KAT6A: variants seen among roughly 807,000 people sequenced by gnomAD.
The protein encoded by KAT6A is histone acetyltransferase KAT6A.
A neutral mutation model predicts 198.4 loss-of-function variants in KAT6A; 9 were observed. The observed-to-expected ratio is 0.05, with a 90% CI of 0.03 to 0.08. The LOEUF is 0.08. Ranked by LOEUF, KAT6A falls within the 10% of genes least tolerant of loss-of-function variation. The pLI, the probability that KAT6A is intolerant of heterozygous loss-of-function variation, is 1.00. For missense variants in KAT6A, 2,077 were observed against 2,509.9 expected, an observed-to-expected ratio of 0.83 and a Z score of 3.69; for synonymous variants, 890 against 883.0, an observed-to-expected ratio of 1.01 and a Z score of -0.14.
At chr8:41,989,918 G>A (rs182196809) in intron 2 of KAT6A, among the ~76,000 whole-genome samples, 4 of 152,304 alleles carry the variant, frequency 2.6e-5, no homozygotes, top group African/African-American at 7.2e-5. Flanking sequence ...ACTGAGAGAT[G>A]AACGGCTAGT....
rs1355193749 is a variant in KAT6A, at chr8:42,051,907, G to T, written c.-332C>A. On this transcript the variant is annotated 5_prime_UTR_variant, in exon 1 of 17. Transcript: ENST00000265713. ...CGGCCCCTCGGCTACTTACCGGGAG[G>T]AAGGACAGCCGAGATCCCGGGGCCC... 6.6e-6 allele frequency: 1 copy of T among 151,118 alleles called. No individual in the cohort carries two copies. The highest frequency in any genetic ancestry group is 1.5e-5 in the Non-Finnish European group (1 of 67,556). The allele number at this position is 151,118 out of a possible 1,614,324, so 9.4% of individuals were successfully genotyped here. A position where few individuals can be genotyped will look rare whatever the true frequency, so the allele number is the denominator to read the frequency against.
chr8:42,011,893 A>AG (rs1826037044), intron 2 of KAT6A, among the ~76,000 whole-genome samples: 1 of 150,620 alleles, frequency 6.6e-6, no homozygotes, highest in Admixed American at 6.6e-5. Flanking sequence ...AAAAAAGAAG[A>AG]GGAAAAAAAA....
intron 2 of KAT6A, among the ~76,000 whole-genome samples, chr8:42,008,137 AC>A (rs1825840634): frequency 6.6e-6 from 1 of 151,732 alleles, no homozygotes; most frequent in African/African-American, 2.4e-5. Context: ...GTACTACTTA[AC>A]CCCCCAAAAA....
At chr8:41,980,781 T>A (rs942480290) in intron 5 of KAT6A, 65 bp downstream of exon 5, 1 of 1,076,012 alleles carries the variant, frequency 9.3e-7, no homozygotes, top group African/African-American at 1.5e-5. Flanking sequence ...ACAAAGTAGA[T>A]AAAATGTGCT....
chr8:41,944,189 A>G (rs1390366905), intron 12 of KAT6A, among the ~76,000 whole-genome samples: 1 of 152,200 alleles, frequency 6.6e-6, no homozygotes, highest in African/African-American at 2.4e-5. Context: ...AGACTAAGTT[A>G]GTATTATTAT....
intron 2 of KAT6A, among the ~76,000 whole-genome samples, chr8:42,021,328 C>T (rs1385698152): frequency 1.3e-5 from 2 of 152,048 alleles, no homozygotes; most frequent in Non-Finnish European, 2.9e-5. Context: ...TCTTGTTTTA[C>T]TGGAGAAAAG....
intron 8 of KAT6A, among the ~76,000 whole-genome samples, chr8:41,972,799 T>A (rs1823862026): frequency 1.3e-5 from 2 of 152,122 alleles, no homozygotes; most frequent in Non-Finnish European, 2.9e-5. Context: ...CACAAAAAAT[T>A]AGGAGTAAAG....
rs780090695 is a variant in KAT6A, at chr8:41,974,841, C to T, written c.1364-19G>A. The T allele has an allele frequency of 1.3e-6, 2 of 1,517,296 alleles. No homozygotes were observed. The highest frequency in any genetic ancestry group is 1.2e-5 in the South Asian group (1 of 86,468). The allele number at this position is 1,517,296 out of a possible 1,614,324, so 94.0% of individuals were successfully genotyped here. A position where few individuals can be genotyped will look rare whatever the true frequency, so the allele number is the denominator to read the frequency against. On this transcript the variant is annotated intron_variant, in intron 7 of 16. Coordinates refer to ENST00000265713, the MANE Select transcript of KAT6A (RefSeq NM_006766.5). The stretch of plus-strand genomic sequence containing the variant: ...TGATTGTCTACATATAAAAAAAGAG[C>T]TCACATGTTAACTGTCCCCAGATTA...
chr8:41,932,165 T>C lies in KAT6A; in HGVS notation c.*40A>G, dbSNP rs2150854341. 1 of 1,463,076 alleles carries C rather than the reference T, an allele frequency of 6.8e-7. No homozygotes were observed. Among genetic ancestry groups the C allele is most frequent in the Non-Finnish European group, 9.1e-7 (1 of 1,104,560 alleles). The allele number at this position is 1,463,076 out of a possible 1,614,324, so 90.6% of individuals were successfully genotyped here. ...TTTGTCAGTATAAAAGGTTCCTTTA[T>C]TTATATATATTTAAGTTTTTGATTG... On this transcript the variant is annotated 3_prime_UTR_variant, in exon 17 of 17. Transcript: ENST00000265713.
chr8:42,045,382 G>T (rs1005832922), intron 2 of KAT6A, among the ~76,000 whole-genome samples: 8 of 152,022 alleles, frequency 5.3e-5, no homozygotes, highest in Non-Finnish European at 7.4e-5. Context: ...CCAACAGGGA[G>T]AAACCCCGTC....
intron 9 of KAT6A, among the ~76,000 whole-genome samples, chr8:41,954,366 T>C (rs1822825713): frequency 6.6e-6 from 1 of 152,232 alleles, no homozygotes. Flanking sequence ...GCAATGTTAC[T>C]ACATGGGTGA....
intron 1 of KAT6A, 53 bp downstream of exon 1, chr8:42,051,848 G>T (rs997425441): frequency 6.7e-6 from 1 of 148,714 alleles, no homozygotes; most frequent in Middle Eastern, 3.3e-3. Context: ...GGAGCGGCTC[G>T]GCCTCGGGCT....
rs777611123 is a variant in KAT6A at position 41,941,302 on chromosome 8, C to T, written c.2579G>A (p.Ser860Asn). The T allele has an allele frequency of 3.1e-6, 5 of 1,613,972 alleles. No individual in the cohort carries two copies. The highest frequency in any genetic ancestry group is 3.4e-6 in the Non-Finnish European group (4 of 1,180,014). The change falls in exon 15 of 17, where the codon AGC becomes AAC. Residue 860 changes from serine (S) to asparagine (N), a missense_variant. Physicochemically the swap from Ser to Asn is conservative, Grantham distance 46. Transcript: ENST00000265713. ...VLPHDSLPAN[S>N]QPSRRGRWGR... is the part of the protein sequence containing the mutation. ...CCAGCGGCCCCTCCGAGATGGCTGG[C>T]TATTTGCAGGAAGACTATCATGAGG...
rs1353408278 is a variant in KAT6A at position 41,932,385 on chromosome 8, C to T, written c.5835G>A (p.Gln1945=). Residue 1945 remains glutamine, a synonymous_variant, in exon 17 of 17, where the codon CAG becomes CAA. Coordinates refer to ENST00000265713, the MANE Select transcript of KAT6A (RefSeq NM_006766.5). ...SYHSNPAYMN[Q]TAQYPMQMQM... Reference sequence around the variant, plus strand: ...GCATCTGCATAGGATACTGTGCTGTCTGGTTCATGTAGGCAGGGTTACTAT... The same window carrying T: ...GCATCTGCATAGGATACTGTGCTGTTTGGTTCATGTAGGCAGGGTTACTAT... The T allele has an allele frequency of 6.2e-7, 1 of 1,614,090 alleles. No individual in the cohort carries two copies. The highest frequency in any genetic ancestry group is 1.3e-5 in the African/African-American group (1 of 74,924).
chr8:41,993,340 C>T (rs1825033919), intron 2 of KAT6A, among the ~76,000 whole-genome samples: 1 of 152,146 alleles, frequency 6.6e-6, no homozygotes, highest in Non-Finnish European at 1.5e-5. Context: ...GCTGATTAGT[C>T]CCAATAATGA....
intron 2 of KAT6A, among the ~76,000 whole-genome samples, chr8:42,041,423 T>C (rs545296239): frequency 1.3e-5 from 2 of 152,240 alleles, no homozygotes; most frequent in South Asian, 4.1e-4. Context: ...AAACAAATGG[T>C]ATAAACAATG....
chr8:41,957,738 T>G, intron 8 of KAT6A: 1 of 157,282 alleles, frequency 6.4e-6, no homozygotes, highest in Non-Finnish European at 1.4e-5. Context: ...AAAGAAAACT[T>G]TATGCCTACT....
chr8:42,015,353 T>A (rs749457552), intron 2 of KAT6A, among the ~76,000 whole-genome samples: 5 of 152,224 alleles, frequency 3.3e-5, no homozygotes, highest in Non-Finnish European at 7.3e-5. Flanking sequence ...GAGGTAACTA[T>A]GCAAACAACT....
intron 4 of KAT6A, among the ~76,000 whole-genome samples, 164 bp from the exon 5 acceptor site, chr8:41,981,091 G>A (rs571670349): frequency 3.3e-5 from 5 of 152,274 alleles, no homozygotes; most frequent in African/African-American, 9.6e-5. Flanking sequence ...AGGTCGAGGC[G>A]GGTGGATCAT....
Sources: allele counts gnomAD v4.1 joint callset (sites outside exome capture counted in the v4.1 genomes callset), GRCh38; gene constraint gnomAD v4.1.1; transcripts MANE v1.5; gene names NCBI Gene and HGNC (gene_info 2026-07-23, HGNC 2026-07-21).